WDPCP: variants seen among roughly 807,000 people sequenced by gnomAD.
WDPCP encodes the protein WD repeat-containing and planar cell polarity effector protein fritz homolog.
WDPCP carries 71 observed loss-of-function variants against 93.1 expected under a neutral mutation model. The ratio of observed to expected loss-of-function variants is 0.76; its 90% CI spans 0.63 to 0.93. The LOEUF (loss-of-function observed/expected upper bound fraction) is 0.93. WDPCP is among the 40% of genes least tolerant of loss of function. WDPCP has a pLI of 0.00. For missense variants in WDPCP, 844 were observed against 887.4 expected (o/e 0.95, Z 0.62); for synonymous variants, 315 against 315.0 (o/e 1.00, Z 0.00).
intron 4 of WDPCP, 85 bp downstream of exon 4, chr2:63,486,457 G>T: frequency 7.7e-7 from 1 of 1,294,720 alleles, no homozygotes; most frequent in South Asian, 1.4e-5. Flanking sequence ...AGGGAATAAA[G>T]TTTCCTCTTT....
intron 13 of WDPCP, among the ~76,000 whole-genome samples, chr2:63,270,911 T>C (rs889440235): frequency 3.3e-5 from 5 of 152,240 alleles, no homozygotes; most frequent in Non-Finnish European, 5.9e-5. Flanking sequence ...AGCTGTAGCA[T>C]GATGTCACTT....
intron 2 of WDPCP, among the ~76,000 whole-genome samples, chr2:63,681,991 GC>G (rs34637511): frequency 0.16 from 23,999 of 152,262 alleles, 2,082 homozygotes; most frequent in South Asian, 0.21. Context: ...GTTTGGGGGT[GC>G]CCCCAATGCA....
intron 2 of WDPCP, among the ~76,000 whole-genome samples, chr2:63,715,294 C>T (rs924360162): frequency 1.3e-5 from 2 of 151,964 alleles, no homozygotes; most frequent in Admixed American, 6.6e-5. Context: ...CAAATTTTGC[C>T]CCAATAAAAT....
chr2:63,624,236 A>T (rs761402181), intron 3 of WDPCP, among the ~76,000 whole-genome samples: 5 of 152,242 alleles, frequency 3.3e-5, no homozygotes, highest in Non-Finnish European at 7.3e-5. Flanking sequence ...AAAGTGGGAA[A>T]GATCTAAAAT....
At chr2:63,168,107 C>CAAA (rs957507138) in intron 15 of WDPCP, among the ~76,000 whole-genome samples, 994 of 53,492 alleles carry the variant, frequency 0.019, 9 homozygotes, top group Non-Finnish European at 0.027. Context: ...GAGACCCTGC[C>CAAA]AAAAAAAAAA....
intron 3 of WDPCP, among the ~76,000 whole-genome samples, chr2:63,602,934 CTTTTTTTTTTTTTTT>C (rs370479356): frequency 2.3e-5 from 3 of 131,616 alleles, no homozygotes; most frequent in Admixed American, 1.5e-4. Flanking sequence ...TTTAACCGTT[CTTTTTTTTTTTTTTT>C]TTTTTTTTTT....
intron 9 of WDPCP, among the ~76,000 whole-genome samples, chr2:63,408,657 T>A (rs1466262019): frequency 3.3e-5 from 5 of 152,044 alleles, no homozygotes; most frequent in Admixed American, 6.5e-5. Flanking sequence ...CTAGGGCAAG[T>A]TTTCAAGCCT....
chr2:63,650,713 C>A (rs915236492), exon 3 of WDPCP: 1 of 152,120 alleles, frequency 6.6e-6, no homozygotes, highest in Non-Finnish European at 1.5e-5. Flanking sequence ...TTCTTGGTAA[C>A]CATAGGTAGT....
chr2:63,525,293 T>C (rs989625559), intron 1 of WDPCP, among the ~76,000 whole-genome samples: 2 of 152,096 alleles, frequency 1.3e-5, no homozygotes, highest in African/African-American at 4.8e-5. Flanking sequence ...ACCTATTGGG[T>C]ACTATACTTA....
At chr2:63,170,021 T>G (rs1232283680) in intron 15 of WDPCP, among the ~76,000 whole-genome samples, 6 of 151,554 alleles carry the variant, frequency 4.0e-5, no homozygotes, top group Non-Finnish European at 5.9e-5. Flanking sequence ...GTCTCCCAAG[T>G]AGCTGGGACT....
chr2:63,497,536 G>GA (rs1701306169), intron 1 of WDPCP, among the ~76,000 whole-genome samples: 2 of 152,036 alleles, frequency 1.3e-5, no homozygotes. Flanking sequence ...TAAAACTAAA[G>GA]AAAATCAATG....
chr2:63,483,301 A>G (rs1700378018), intron 6 of WDPCP, among the ~76,000 whole-genome samples: 1 of 151,956 alleles, frequency 6.6e-6, no homozygotes, highest in African/African-American at 2.4e-5. Context: ...TCTGGAGCGT[A>G]TTTTGTATTC....
chr2:63,537,439 C>T (rs1472563112), intron 1 of WDPCP, among the ~76,000 whole-genome samples: 2 of 152,158 alleles, frequency 1.3e-5, no homozygotes, highest in Admixed American at 1.3e-4. Flanking sequence ...TCTGAAAAGC[C>T]TTAATGACTA....
At chr2:63,533,813 A>T (rs949788797) in intron 1 of WDPCP, among the ~76,000 whole-genome samples, 1 of 152,200 alleles carries the variant, frequency 6.6e-6, no homozygotes. Context: ...GAGAAGCAAG[A>T]GCAAACACAT....
At chr2:63,302,907 T>G (rs1351719907) in intron 13 of WDPCP, among the ~76,000 whole-genome samples, 1 of 152,216 alleles carries the variant, frequency 6.6e-6, no homozygotes, top group Non-Finnish European at 1.5e-5. Flanking sequence ...TGTAAACACA[T>G]GGCAATATTT....
intron 2 of WDPCP, among the ~76,000 whole-genome samples, chr2:63,764,282 T>C (rs1670105742): frequency 6.6e-6 from 1 of 152,220 alleles, no homozygotes; most frequent in East Asian, 1.9e-4. Flanking sequence ...AGTATTTTCC[T>C]CCAAAAAGTA....
At chr2:63,375,607 A>G (rs1691785973) in intron 12 of WDPCP, among the ~76,000 whole-genome samples, 1 of 151,932 alleles carries the variant, frequency 6.6e-6, no homozygotes, top group Non-Finnish European at 1.5e-5. Context: ...AGGCTTTCAG[A>G]TAATTTTTTA....
chr2:63,149,974 C>T (rs191949903), intron 17 of WDPCP, among the ~76,000 whole-genome samples: 28 of 152,096 alleles, frequency 1.8e-4, no homozygotes, highest in Non-Finnish European at 3.1e-4. Flanking sequence ...GCACTCCAGC[C>T]TGGGTGACAG....
intron 14 of WDPCP, among the ~76,000 whole-genome samples, chr2:63,258,752 T>G (rs1038809384): frequency 3.3e-5 from 5 of 152,298 alleles, no homozygotes; most frequent in Non-Finnish European, 7.4e-5. Flanking sequence ...ATTACAGTAA[T>G]TTTTATAAAC....
Sources: allele counts gnomAD v4.1 joint callset (sites outside exome capture counted in the v4.1 genomes callset), GRCh38; gene constraint gnomAD v4.1.1; transcripts MANE v1.5; gene names NCBI Gene and HGNC (gene_info 2026-07-23, HGNC 2026-07-21).